SEPTIN10: variants seen among roughly 807,000 people sequenced by gnomAD.
SEPTIN10 encodes the protein septin 10, also known as septin-10.
Under a neutral mutation model 54.8 loss-of-function variants are expected in SEPTIN10, and 66 were observed. The observed-to-expected ratio is 1.21, with a 90% CI of 0.99 to 1.48. The LOEUF (loss-of-function observed/expected upper bound fraction) is 1.48. Ranked by LOEUF, SEPTIN10 falls within the 40% of genes most tolerant of loss-of-function variation. The pLI is 0.00. For synonymous variants in SEPTIN10, 161 were observed against 181.0 expected (o/e 0.89, Z 0.89); for missense variants, 620 against 545.6 (o/e 1.14, Z -1.36).
intron 4 of SEPTIN10, among the ~76,000 whole-genome samples, chr2:109,581,633 G>T (rs1691178706): frequency 6.6e-6 from 1 of 151,924 alleles, no homozygotes; most frequent in South Asian, 2.1e-4. Context: ...GTACCATTTG[G>T]TATTTTCACA....
intron 8 of SEPTIN10, among the ~76,000 whole-genome samples, chr2:109,559,911 CTTTTTTTTTTTT>C (rs1185486244): frequency 8.5e-6 from 1 of 117,558 alleles, no homozygotes; most frequent in Non-Finnish European, 1.7e-5. Flanking sequence ...CAACCAATGC[CTTTTTTTTTTTT>C]TTTTTTTTGT....
chr2:109,591,293 CTAGTT>C lies in SEPTIN10; in HGVS notation c.99+1753_99+1757del, dbSNP rs796679418. ...AACTAAATGGCCTCTAGGATCCCTTCTAGTTTAGTTCTACAATGACAGGATTTTAA... is the reference window on the plus strand; with the variant it reads ...AACTAAATGGCCTCTAGGATCCCTTCTAGTTCTACAATGACAGGATTTTAA... On this transcript the variant is annotated intron_variant, in intron 2 of 10. Transcript: ENST00000397712. Among the ~76,000 whole-genome samples the C allele has an allele frequency of 3.9e-5, 6 of 152,232 alleles. 1 individual carries two copies. Among genetic ancestry groups the C allele is most frequent in the African/African-American group, 1.4e-4 (6 of 41,552 alleles).
At chr2:109,600,486 C>A (rs1229411618) in intron 1 of SEPTIN10, among the ~76,000 whole-genome samples, 1 of 151,780 alleles carries the variant, frequency 6.6e-6, no homozygotes, top group Admixed American at 6.6e-5. Context: ...CCAAACTGCC[C>A]CTCAAAAAGA....
chr2:109,599,113 T>G (rs1573808592), intron 1 of SEPTIN10, among the ~76,000 whole-genome samples: 1 of 152,046 alleles, frequency 6.6e-6, no homozygotes, highest in Non-Finnish European at 1.5e-5. Context: ...TTCAAGCTAA[T>G]GCAGACCACA....
At chr2:109,599,653 A>G (rs748162840) in intron 1 of SEPTIN10, among the ~76,000 whole-genome samples, 21 of 152,098 alleles carry the variant, frequency 1.4e-4, no homozygotes, top group Non-Finnish European at 2.9e-4. Context: ...AAATACATCA[A>G]AAGTTAAAGG....
rs1481731187 is a variant in SEPTIN10 at position 109,553,206 on chromosome 2, A to G, written c.1042T>C (p.Tyr348His). The change falls in exon 9 of 11, where the codon TAT becomes CAT. Residue 348 changes from tyrosine (Y) to histidine (H), a missense_variant. Tyr to His is a moderately conservative substitution (Grantham distance 83). Coordinates refer to ENST00000397712, the MANE Select transcript of SEPTIN10 (RefSeq NM_144710.5). ...ENKPVSVQET[Y>H]EAKRHEFHGE... ...TGGAACTCATGTCTTTTGGCTTCAT[A>G]GGTCTCTTGAACACTAAAAAGTTAT... 2.5e-6 allele frequency: 4 copies of G among 1,613,812 alleles called. No individual in the cohort carries two copies. Among genetic ancestry groups the G allele is most frequent in the African/African-American group, 2.7e-5 (2 of 74,890 alleles).
chr2:109,545,899 G>A, intron 10 of SEPTIN10, 151 bp downstream of exon 10: 2 of 1,434,620 alleles, frequency 1.4e-6, no homozygotes, highest in Non-Finnish European at 1.9e-6. Flanking sequence ...TGAACAAGAG[G>A]GACAAGGTCT....
rs1186408666 is a variant in SEPTIN10 at position 109,543,038 on chromosome 2, T to C, written c.*1271A>G. ...GTAAATGTCAGTTTTATTTAGAATA[T>C]TCAAGTACAAAAAATGAAAATGTAT... is the stretch of plus-strand genomic sequence containing the variant. On this transcript the variant is annotated 3_prime_UTR_variant, in exon 11 of 11. Transcript: ENST00000397712. 1 of 152,588 alleles carries C rather than the reference T, an allele frequency of 6.6e-6. No individual in the cohort carries two copies. The highest frequency in any genetic ancestry group is 1.5e-5 in the Non-Finnish European group (1 of 68,022). 9.5% of individuals were successfully genotyped at this position (152,588 alleles called of 1,614,324 possible).
intron 1 of SEPTIN10, among the ~76,000 whole-genome samples, chr2:109,609,846 G>T (rs1054605939): frequency 1.3e-5 from 2 of 152,146 alleles, no homozygotes; most frequent in Non-Finnish European, 2.9e-5. Context: ...AACTGAAGAA[G>T]TGGAAAATTA....
chr2:109,564,917 T>C (rs975361647), intron 7 of SEPTIN10, among the ~76,000 whole-genome samples: 2 of 152,204 alleles, frequency 1.3e-5, no homozygotes, highest in Non-Finnish European at 2.9e-5. Flanking sequence ...TAATATTAGT[T>C]CACTAAAACT....
chr2:109,594,596 T>TGAGACTGTC (rs1016906771), intron 1 of SEPTIN10: 3 of 152,358 alleles, frequency 2.0e-5, no homozygotes, highest in Non-Finnish European at 4.4e-5. Context: ...CGCTCTTCAT[T>TGAGACTGTC]GAGACTGTCC....
At chr2:109,550,566 G>A (rs1370886313) in intron 9 of SEPTIN10, among the ~76,000 whole-genome samples, 3 of 151,962 alleles carry the variant, frequency 2.0e-5, no homozygotes, top group African/African-American at 4.8e-5. Context: ...CACCCACCTC[G>A]GCCTCCCGAA....
intron 8 of SEPTIN10, among the ~76,000 whole-genome samples, chr2:109,560,268 C>T (rs565621152): frequency 6.6e-6 from 1 of 152,292 alleles, no homozygotes; most frequent in South Asian, 2.1e-4. Context: ...TCATTATTCT[C>T]CAAGAATTGT....
intron 1 of SEPTIN10, among the ~76,000 whole-genome samples, chr2:109,608,431 T>C (rs565169441): frequency 2.0e-5 from 3 of 152,334 alleles, no homozygotes; most frequent in East Asian, 1.9e-4. Context: ...CAGGATAAAC[T>C]TGATCTGATT....
chr2:109,605,424 C>T (rs929337338), intron 1 of SEPTIN10: 8 of 151,940 alleles, frequency 5.3e-5, no homozygotes, highest in East Asian at 1.9e-4. Flanking sequence ...GAGCTGAGAT[C>T]GTACCACTGC....
At chr2:109,545,165 T>C (rs183150585) in intron 10 of SEPTIN10, 2 of 985,254 alleles carry the variant, frequency 2.0e-6, no homozygotes, top group African/African-American at 1.7e-5. Flanking sequence ...GCAACGCTGC[T>C]AGCACAGAGG....
rs138890429 is a variant in SEPTIN10 at position 109,559,973 on chromosome 2, T to C, written c.1028+4393A>G. Among the ~76,000 whole-genome samples the C allele has an allele frequency of 9.1e-3, 1,284 of 140,838 alleles. 16 individuals are homozygous for C. The highest frequency in any genetic ancestry group is 0.032 in the African/African-American group (1,178 of 36,930). The allele number at this position is 140,838 out of a possible 152,430, so 92.4% of individuals were successfully genotyped here. Reference sequence around the variant, plus strand: ...TCTCGCTCTGTCACCCAGGCTGGAGTGCAGTGGCATGATCTTGGCTCACCG... The same window carrying C: ...TCTCGCTCTGTCACCCAGGCTGGAGCGCAGTGGCATGATCTTGGCTCACCG... On this transcript the variant is annotated intron_variant, in intron 8 of 10. Transcript: ENST00000397712.
At chr2:109,564,607 T>A in intron 7 of SEPTIN10, 73 bp from the exon 8 acceptor site, 1 of 1,282,186 alleles carries the variant, frequency 7.8e-7, no homozygotes, top group Non-Finnish European at 1.0e-6. Flanking sequence ...GTTTGCTGAA[T>A]GAACAAATAA....
At chr2:109,599,666 A>G (rs772402672) in intron 1 of SEPTIN10, among the ~76,000 whole-genome samples, 51 of 152,138 alleles carry the variant, frequency 3.4e-4, no homozygotes, top group Non-Finnish European at 6.3e-4. Flanking sequence ...GTTAAAGGAT[A>G]ACTGCAAATT....
Sources: allele counts gnomAD v4.1 joint callset (sites outside exome capture counted in the v4.1 genomes callset), GRCh38; gene constraint gnomAD v4.1.1; transcripts MANE v1.5; gene names NCBI Gene and HGNC (gene_info 2026-07-23, HGNC 2026-07-21).